The following PLA2G4A variants were observed in gnomAD, a reference collection of about 807,000 sequenced individuals.
PLA2G4A encodes phospholipase A2 group IVA, also known as cytosolic phospholipase A2.
Under a neutral mutation model 81.9 loss-of-function variants are expected in PLA2G4A, and 40 were observed. The observed-to-expected ratio is 0.49, with a 90% CI of 0.38 to 0.64. PLA2G4A has a LOEUF of 0.64. Among genes scored for constraint, PLA2G4A ranks in the 30% least tolerant of loss-of-function variants. The pLI, the probability that PLA2G4A is intolerant of heterozygous loss-of-function variation, is 0.00. For missense variants in PLA2G4A, 715 were observed against 905.1 expected, an observed-to-expected ratio of 0.79 and a Z score of 2.69; for synonymous variants, 302 against 296.9, an observed-to-expected ratio of 1.02 and a Z score of -0.18.
chr1:186,859,657 C>A (rs1432317314), intron 2 of PLA2G4A, among the ~76,000 whole-genome samples: 1 of 152,048 alleles, frequency 6.6e-6, no homozygotes, highest in Non-Finnish European at 1.5e-5. Flanking sequence ...TGTAGGATGA[C>A]TGGAAATTTT....
chr1:186,946,701 C>A lies in PLA2G4A; in HGVS notation c.1098C>A (p.Asp366Glu). ...MAKYGTFMAP[D>E]LFGSKFFMGT... ...AATATGGTACTTTTATGGCTCCCGA[C>A]TTATTTGGAAGCAAATTTTTTATGG... is the stretch of plus-strand genomic sequence containing the variant. Residue 366 changes from aspartate to glutamate, a missense_variant, in exon 11 of 18, where the codon GAC becomes GAA. Physicochemically the swap from Asp to Glu is conservative, Grantham distance 45. Transcript: ENST00000367466. 1 of 1,610,530 alleles carries A rather than the reference C, an allele frequency of 6.2e-7. No individual in the cohort carries two copies. The highest frequency in any genetic ancestry group is 1.1e-5 in the South Asian group (1 of 91,008).
chr1:186,857,369 A>G (rs572346171), intron 2 of PLA2G4A, among the ~76,000 whole-genome samples: 92 of 125,130 alleles, frequency 7.4e-4, no homozygotes, highest in Admixed American at 1.3e-3. Flanking sequence ...TATTATATTC[A>G]TATGTATTAT....
chr1:186,955,900 A>ATTTT (rs5779313), intron 13 of PLA2G4A, among the ~76,000 whole-genome samples: 2 of 144,892 alleles, frequency 1.4e-5, no homozygotes, highest in Non-Finnish European at 3.0e-5. Context: ...TGACCAGCTA[A>ATTTT]TTTTTTTTTT....
chr1:186,922,646 C>T (rs1311398140), intron 7 of PLA2G4A, among the ~76,000 whole-genome samples: 2 of 152,174 alleles, frequency 1.3e-5, no homozygotes, highest in South Asian at 2.1e-4. Flanking sequence ...CTGTTAATCA[C>T]CTTGCTTCCC....
intron 15 of PLA2G4A, among the ~76,000 whole-genome samples, chr1:186,974,688 A>G (rs577014094): frequency 5.3e-5 from 8 of 152,334 alleles, no homozygotes; most frequent in African/African-American, 1.7e-4. Context: ...CAATTCCGGC[A>G]TATCGCTGTA....
At chr1:186,908,288 C>T (rs550783063) in intron 6 of PLA2G4A, among the ~76,000 whole-genome samples, 3 of 151,970 alleles carry the variant, frequency 2.0e-5, no homozygotes, top group Non-Finnish European at 2.9e-5. Context: ...AACTGATATC[C>T]TTAAAACATC....
At chr1:186,890,856 A>G (rs932695661) in intron 3 of PLA2G4A, among the ~76,000 whole-genome samples, 1 of 151,604 alleles carries the variant, frequency 6.6e-6, no homozygotes, top group African/African-American at 2.4e-5. Context: ...TGTCTCAAAA[A>G]AAAAAAAAAA....
intron 17 of PLA2G4A, among the ~76,000 whole-genome samples, chr1:186,987,417 AG>A (rs1657925961): frequency 6.6e-6 from 1 of 152,222 alleles, no homozygotes; most frequent in Non-Finnish European, 1.5e-5. Flanking sequence ...ACAATCCCTG[AG>A]GTAGAGAATA....
At chr1:186,864,645 G>GATTATT (rs75963523) in intron 2 of PLA2G4A, among the ~76,000 whole-genome samples, 38,537 of 146,938 alleles carry the variant, frequency 0.26, 5,817 homozygotes, top group Non-Finnish European at 0.35. Flanking sequence ...TTAAAAATCA[G>GATTATT]ATTATTATTA....
chr1:186,888,545 G>T (rs140219971), intron 3 of PLA2G4A, among the ~76,000 whole-genome samples: 7 of 152,142 alleles, frequency 4.6e-5, no homozygotes, highest in African/African-American at 1.7e-4. Context: ...AATAATCTGG[G>T]TGACTGAGTT....
intron 7 of PLA2G4A, among the ~76,000 whole-genome samples, chr1:186,916,178 C>A (rs987111620): frequency 4.3e-3 from 2 of 470 alleles, no homozygotes; most frequent in Admixed American, 0.031. Context: ...TAAACTTCTC[C>A]TCCTCGAACC....
At chr1:186,879,852 T>A (rs546723197) in intron 3 of PLA2G4A, among the ~76,000 whole-genome samples, 267 of 150,974 alleles carry the variant, frequency 1.8e-3, no homozygotes, top group African/African-American at 5.9e-3. Flanking sequence ...TATATTTTTT[T>A]ATTATATTTT....
intron 7 of PLA2G4A, among the ~76,000 whole-genome samples, chr1:186,918,180 A>AG (rs1655216777): frequency 6.6e-6 from 1 of 152,082 alleles, no homozygotes; most frequent in Non-Finnish European, 1.5e-5. Flanking sequence ...ATGCCCAGTA[A>AG]GGGGTAGATG....
chr1:186,986,760 T>G (rs1453252517), intron 17 of PLA2G4A, among the ~76,000 whole-genome samples: 1 of 152,198 alleles, frequency 6.6e-6, no homozygotes, highest in East Asian at 1.9e-4. Flanking sequence ...TTATTTCCAT[T>G]TTAAAGAAGA....
At chr1:186,905,008 C>T (rs1490812614) in intron 5 of PLA2G4A, among the ~76,000 whole-genome samples, 1 of 152,236 alleles carries the variant, frequency 6.6e-6, no homozygotes, top group East Asian at 1.9e-4. Context: ...GCATGGGCCA[C>T]CATGCCTGGA....
intron 12 of PLA2G4A, among the ~76,000 whole-genome samples, chr1:186,948,447 G>A (rs1656417995): frequency 6.6e-6 from 1 of 151,180 alleles, no homozygotes; most frequent in African/African-American, 2.4e-5. Flanking sequence ...TTATATCCCA[G>A]ATGAATGTCC....
In PLA2G4A at chr1:186,902,717, C is replaced by T. The variant is rs115860561; in HGVS notation, c.379-4248C>T. Among the ~76,000 whole-genome samples, 305 of 151,914 alleles carry T rather than the reference C, an allele frequency of 2.0e-3. 4 individuals are homozygous for T. The highest frequency in any genetic ancestry group is 7.0e-3 in the African/African-American group (292 of 41,438). ...CTCCCCACTGAGCACCTTGTTACCC[C>T]CGCCCCTGCCCACAAGAGAACAATC... On this transcript the variant is annotated intron_variant, in intron 5 of 17. Transcript: ENST00000367466.
intron 8 of PLA2G4A, among the ~76,000 whole-genome samples, chr1:186,935,412 T>TTA (rs949291744): frequency 1.9e-4 from 29 of 150,606 alleles, no homozygotes; most frequent in African/African-American, 6.8e-4. Context: ...GTTTTTATTT[T>TTA]TTTTTTTTTC....
At chr1:186,921,367 T>G (rs1007645650) in intron 7 of PLA2G4A, among the ~76,000 whole-genome samples, 5 of 152,224 alleles carry the variant, frequency 3.3e-5, no homozygotes, top group African/African-American at 1.2e-4. Flanking sequence ...TATAATAGTT[T>G]GGAGCAAGTC....
Sources: gnomAD v4.1 joint callset for allele counts (sites outside exome capture counted in the v4.1 genomes callset) on GRCh38, gnomAD v4.1.1 for gene constraint, MANE v1.5 for transcripts, NCBI Gene and HGNC (gene_info 2026-07-23, HGNC 2026-07-21) for gene names.